The following ARFGEF3 variants were observed in gnomAD, a reference collection of about 807,000 sequenced individuals.
ARFGEF3 encodes ARFGEF family member 3, also known as brefeldin A-inhibited guanine nucleotide-exchange protein 3.
ARFGEF3 carries 96 observed loss-of-function variants against 221.7 expected under a neutral mutation model. The observed-to-expected ratio is 0.43, with a 90% CI of 0.37 to 0.51. The LOEUF (loss-of-function observed/expected upper bound fraction) is 0.51, where lower values mean the gene tolerates loss of function less well. ARFGEF3 is among the 20% of genes least tolerant of loss of function. The pLI is 0.00. For missense variants in ARFGEF3, 2,410 were observed against 2,789.9 expected (o/e 0.86, Z 3.07); for synonymous variants, 1,145 against 1,126.8 (o/e 1.02, Z -0.32).
chr6:138,204,339 CAAAAAAAAAAAAAAAA>C (rs11336345), intron 2 of ARFGEF3, among the ~76,000 whole-genome samples: 6 of 60,400 alleles, frequency 9.9e-5, no homozygotes, highest in African/African-American at 3.1e-4. Context: ...ACTCCATCTC[CAAAAAAAAAAAAAAAA>C]AAAAAAAAAG....
intron 4 of ARFGEF3, chr6:138,218,010 G>A: frequency 6.2e-7 from 1 of 1,612,648 alleles, no homozygotes; most frequent in African/African-American, 1.3e-5. Context: ...TGGATGTATA[G>A]TTTTGGATAA....
Position 138,291,989 on chromosome 6 carries a change from G to A in ARFGEF3, c.3304G>A (p.Gly1102Arg), listed in dbSNP as rs985018509. ...SRGRASDFRG[G>R]SLMSGSSAAK... ...GGGTCGGGCCTCCGACTTCCGCGGC[G>A]GGAGCCTCATGAGCGGGAGCAGCGC... The change falls in exon 19 of 34, where the codon GGG becomes AGG. Residue 1102 changes from glycine to arginine, a missense_variant. Transcript: ENST00000251691. The surrounding 1 kb of genome is among the most constrained non-coding windows in gnomAD (Gnocchi z 4.5). 4.5e-6 allele frequency: 7 copies of A among 1,539,004 alleles called. No individual in the cohort carries two copies. Among genetic ancestry groups the A allele is most frequent in the East Asian group, 2.5e-5 (1 of 39,844 alleles).
At chr6:138,217,215 T>C (rs969939287) in intron 4 of ARFGEF3, 10 of 152,360 alleles carry the variant, frequency 6.6e-5, no homozygotes, top group Admixed American at 6.5e-4. Flanking sequence ...CTACTAAGTG[T>C]CTTTAAACTT....
At chr6:138,209,119 T>A (rs1777674434) in intron 3 of ARFGEF3, among the ~76,000 whole-genome samples, 1 of 152,268 alleles carries the variant, frequency 6.6e-6, no homozygotes. Context: ...GGGGATGCAT[T>A]TTCTGATGGG....
intron 13 of ARFGEF3, among the ~76,000 whole-genome samples, 172 bp from the exon 14 acceptor site, chr6:138,279,827 C>G (rs905240673): frequency 1.3e-5 from 2 of 152,216 alleles, no homozygotes; most frequent in African/African-American, 4.8e-5. Flanking sequence ...GAAACCTCAG[C>G]ACATTTGGGA....
In ARFGEF3 at chr6:138,253,929, C is replaced by T. The variant is rs1488390590; in HGVS notation, c.715C>T (p.Leu239Phe). The change falls in exon 9 of 34, where the codon CTC (leucine) becomes TTC (phenylalanine). Residue 239 changes from leucine (L) to phenylalanine (F), a missense_variant. Physicochemically the swap from Leu to Phe is conservative, Grantham distance 22. Transcript: ENST00000251691. Reference sequence around the variant, plus strand: ...CTACCTGGAGTGCATCCTGTCTGTGCTCAGCAGCTCCTCCTCCTCCATGCA... The same window carrying T: ...CTACCTGGAGTGCATCCTGTCTGTGTTCAGCAGCTCCTCCTCCTCCATGCA... ...LLYLECILSV[L>F]SSSSSSMHLH... is the part of the protein sequence containing the mutation. The T allele has an allele frequency of 6.3e-7, 1 of 1,597,100 alleles. No homozygotes were observed. The highest frequency in any genetic ancestry group is 2.3e-5 in the East Asian group (1 of 44,220).
At chr6:138,182,254 G>T (rs912599269) in intron 2 of ARFGEF3, among the ~76,000 whole-genome samples, 4 of 152,172 alleles carry the variant, frequency 2.6e-5, no homozygotes, top group African/African-American at 9.7e-5. Context: ...CCAATTATTT[G>T]ACTTAATACA....
intron 3 of ARFGEF3, among the ~76,000 whole-genome samples, chr6:138,207,545 A>G (rs1294892567): frequency 6.6e-6 from 1 of 152,242 alleles, no homozygotes; most frequent in African/African-American, 2.4e-5. Flanking sequence ...TTCCACGGTT[A>G]GATTGATGAA....
chr6:138,256,215 T>G (rs541081830), intron 10 of ARFGEF3, among the ~76,000 whole-genome samples: 2 of 152,296 alleles, frequency 1.3e-5, no homozygotes, highest in African/African-American at 4.8e-5. Context: ...TGTCCCATTC[T>G]TTTGCCTCAT....
intron 7 of ARFGEF3, among the ~76,000 whole-genome samples, chr6:138,243,809 C>T (rs1778435102): frequency 6.6e-6 from 1 of 152,074 alleles, no homozygotes; most frequent in Admixed American, 6.5e-5. Context: ...GAGGAAGAGA[C>T]ACGCCTTAAG....
intron 2 of ARFGEF3, among the ~76,000 whole-genome samples, chr6:138,202,295 T>C (rs1777551680): frequency 6.6e-6 from 1 of 152,178 alleles, no homozygotes; most frequent in South Asian, 2.1e-4. Context: ...GTGTGTGCCA[T>C]GTTGCATTTT....
intron 1 of ARFGEF3, among the ~76,000 whole-genome samples, chr6:138,164,530 G>T (rs1376091315): frequency 1.3e-5 from 2 of 152,184 alleles, no homozygotes; most frequent in African/African-American, 2.4e-5. Context: ...CTCTCTTAGA[G>T]TACCTACTAT....
intron 17 of ARFGEF3, among the ~76,000 whole-genome samples, chr6:138,288,268 C>T (rs1357154590): frequency 6.6e-6 from 1 of 152,078 alleles, no homozygotes; most frequent in African/African-American, 2.4e-5. Context: ...CCTGTAGTCC[C>T]AGCTACTCGG....
At chr6:138,295,634 A>AG (rs1228847154) in intron 20 of ARFGEF3, among the ~76,000 whole-genome samples, 1 of 151,850 alleles carries the variant, frequency 6.6e-6, no homozygotes, top group Non-Finnish European at 1.5e-5. Context: ...CCTCAAAAAA[A>AG]AAAAAAGAAA....
chr6:138,176,996 G>T (rs1425265621), intron 2 of ARFGEF3, among the ~76,000 whole-genome samples: 1 of 151,400 alleles, frequency 6.6e-6, no homozygotes, highest in African/African-American at 2.4e-5. Context: ...GTCTAATGGG[G>T]TTTTCTTTAT....
At chr6:138,281,403 A>G (rs1366349169) in intron 14 of ARFGEF3, among the ~76,000 whole-genome samples, 1 of 152,222 alleles carries the variant, frequency 6.6e-6, no homozygotes, top group African/African-American at 2.4e-5. Context: ...GTTTGGGGTC[A>G]ACTGATCCCA....
chr6:138,167,683 G>T (rs114919956), intron 1 of ARFGEF3, among the ~76,000 whole-genome samples: 1 of 152,180 alleles, frequency 6.6e-6, no homozygotes, highest in African/African-American at 2.4e-5. Context: ...TACCTCTGTT[G>T]CCAGCTCTCC....
chr6:138,256,973 C>T (rs1029011117), intron 10 of ARFGEF3, among the ~76,000 whole-genome samples: 7 of 151,932 alleles, frequency 4.6e-5, no homozygotes, highest in African/African-American at 1.7e-4. Context: ...TTTGTAGAGA[C>T]GTGTTGCCCA....
intron 4 of ARFGEF3, among the ~76,000 whole-genome samples, chr6:138,220,355 A>G (rs1777961184): frequency 6.6e-6 from 1 of 152,142 alleles, no homozygotes; most frequent in African/African-American, 2.4e-5. Flanking sequence ...GGTTCTCTCT[A>G]TATATCTATA....
Sources: gnomAD v4.1 joint callset for allele counts (sites outside exome capture counted in the v4.1 genomes callset) on GRCh38, gnomAD v4.1.1 for gene constraint, Gnocchi (gnomAD v3.1) non-coding constraint, MANE v1.5 for transcripts, NCBI Gene and HGNC (gene_info 2026-07-23, HGNC 2026-07-21) for gene names.